Variants in MAML2 observed in about 807,000 individuals in gnomAD.
MAML2 encodes the protein mastermind like transcriptional coactivator 2, also known as mastermind-like protein 2.
In MAML2, 22 loss-of-function variants were observed where a neutral mutation model predicts 96.1. That is an observed-to-expected ratio of 0.23 (90% CI 0.16 to 0.33). The LOEUF (loss-of-function observed/expected upper bound fraction) is 0.33, where lower values mean the gene tolerates loss of function less well. Ranked by LOEUF, MAML2 falls within the 10% of genes least tolerant of loss-of-function variation. The pLI is 1.00. For missense variants in MAML2, 1,367 were observed against 1,392.4 expected (o/e 0.98, Z 0.29); for synonymous variants, 561 against 521.3 (o/e 1.08, Z -1.04).
In MAML2 at chr11:96,068,915, C is replaced by CTTTTT. The variant is rs71040128; in HGVS notation, c.2139+22972_2139+22976dup. On this transcript the variant is annotated intron_variant, in intron 2 of 4. Coordinates refer to ENST00000524717, the MANE Select transcript of MAML2 (RefSeq NM_032427.4). ...ATAATTTTTCCTTCCTTCTTCCCTC[C>CTTTTT]TTTTTTTTTTTTTTTTTTTTTTTAA... Among the ~76,000 whole-genome samples the CTTTTT allele has an allele frequency of 2.0e-3, 214 of 106,500 alleles. 1 individual carries two copies. The highest frequency in any genetic ancestry group is 7.6e-3 in the African/African-American group (202 of 26,710). 69.9% of individuals were successfully genotyped at this position (106,500 alleles called of 152,430 possible).
At chr11:96,047,707 G>A (rs1391277460) in intron 2 of MAML2, among the ~76,000 whole-genome samples, 3 of 151,860 alleles carry the variant, frequency 2.0e-5, no homozygotes, top group Non-Finnish European at 2.9e-5. Context: ...TCACGAGCTC[G>A]AGACCAGCCT....
intron 1 of MAML2, among the ~76,000 whole-genome samples, chr11:96,097,169 T>C (rs1213240131): frequency 6.6e-6 from 1 of 152,186 alleles, no homozygotes; most frequent in African/African-American, 2.4e-5. Context: ...AATTATGGTA[T>C]AGAGTCTCTC....
At chr11:96,209,248 G>A (rs2135937004) in intron 1 of MAML2, among the ~76,000 whole-genome samples, 1 of 149,374 alleles carries the variant, frequency 6.7e-6, no homozygotes, top group South Asian at 2.1e-4. Context: ...TGGGGGGGCA[G>A]TCTTTTGGGA....
At chr11:96,004,385 A>C (rs1342901160) in intron 2 of MAML2, among the ~76,000 whole-genome samples, 1 of 152,186 alleles carries the variant, frequency 6.6e-6, no homozygotes. Flanking sequence ...GGAATAAAAA[A>C]ATTGATTTCC....
intron 1 of MAML2, among the ~76,000 whole-genome samples, chr11:96,313,325 C>A (rs932209859): frequency 6.6e-6 from 1 of 152,210 alleles, no homozygotes; most frequent in African/African-American, 2.4e-5. Flanking sequence ...TCATCCCCAT[C>A]TCAGAACTGG....
chr11:96,126,931 G>C (rs1032844079), intron 1 of MAML2, among the ~76,000 whole-genome samples: 2 of 152,086 alleles, frequency 1.3e-5, no homozygotes, highest in African/African-American at 4.8e-5. Flanking sequence ...GTAGGTATGA[G>C]AAAAAGGCTT....
chr11:96,132,074 G>C (rs1413609690), intron 1 of MAML2, among the ~76,000 whole-genome samples: 1 of 152,104 alleles, frequency 6.6e-6, no homozygotes, highest in East Asian at 1.9e-4. Flanking sequence ...TTCCTAGTGG[G>C]CAAGGATCAC....
At chr11:96,278,875 C>CG (rs1181290553) in intron 1 of MAML2, among the ~76,000 whole-genome samples, 2 of 151,924 alleles carry the variant, frequency 1.3e-5, no homozygotes, top group African/African-American at 2.4e-5. Context: ...AGGATAACTG[C>CG]GGGGGGTATG....
chr11:96,152,817 G>T (rs1457251588), intron 1 of MAML2, among the ~76,000 whole-genome samples: 1 of 152,172 alleles, frequency 6.6e-6, no homozygotes, highest in Admixed American at 6.5e-5. Context: ...GCTCAAACAT[G>T]TCGGGGCATT....
chr11:96,272,133 T>C (rs1055303680), intron 1 of MAML2, among the ~76,000 whole-genome samples: 1 of 152,146 alleles, frequency 6.6e-6, no homozygotes, highest in Non-Finnish European at 1.5e-5. Flanking sequence ...CTCTGACTTA[T>C]TTTATACCAC....
At chr11:96,239,082 A>C (rs1862399598) in intron 1 of MAML2, among the ~76,000 whole-genome samples, 4 of 152,262 alleles carry the variant, frequency 2.6e-5, no homozygotes, top group African/African-American at 7.2e-5. Context: ...GAATCACACT[A>C]ACATTTTAAA....
In MAML2 at chr11:96,335,762, G is replaced by A. The variant is rs368473473; in HGVS notation, c.513+5621C>T. Among the ~76,000 whole-genome samples the A allele has an allele frequency of 2.9e-4, 44 of 152,162 alleles. No homozygotes were observed. The South Asian group carries it at 7.9e-3, about 27-fold the overall frequency. ...CCAGGGCTTCTGATTTGCTCTTACCGGATCTCCAGGCCCTCCAGGATGTGG... is the reference window on the plus strand; with the variant it reads ...CCAGGGCTTCTGATTTGCTCTTACCAGATCTCCAGGCCCTCCAGGATGTGG... On this transcript the variant is annotated intron_variant, in intron 1 of 4. Transcript: ENST00000524717.
chr11:96,156,239 T>A (rs565130230), intron 1 of MAML2, among the ~76,000 whole-genome samples: 1 of 152,318 alleles, frequency 6.6e-6, no homozygotes, highest in South Asian at 2.1e-4. Context: ...CTGCAAGGAC[T>A]GGAGATGGCT....
At chr11:96,192,487 G>C (rs945149390) in intron 1 of MAML2, among the ~76,000 whole-genome samples, 1 of 152,116 alleles carries the variant, frequency 6.6e-6, no homozygotes, top group Non-Finnish European at 1.5e-5. Flanking sequence ...GACTTCCAAG[G>C]ATGCTTCCAA....
intron 1 of MAML2, among the ~76,000 whole-genome samples, chr11:96,231,032 G>A (rs1012754045): frequency 3.7e-4 from 56 of 152,106 alleles, no homozygotes; most frequent in African/African-American, 1.3e-3. Context: ...CTAGGCATGA[G>A]TATTTAATGA....
intron 1 of MAML2, among the ~76,000 whole-genome samples, chr11:96,178,274 G>A (rs963550969): frequency 3.3e-5 from 5 of 151,982 alleles, no homozygotes; most frequent in African/African-American, 4.8e-5. Context: ...AACCGAGGTC[G>A]GCTGCCATGA....
chr11:96,329,431 T>G (rs1295495060), intron 1 of MAML2, among the ~76,000 whole-genome samples: 1 of 152,228 alleles, frequency 6.6e-6, no homozygotes, highest in Non-Finnish European at 1.5e-5. Flanking sequence ...TTGCCAATTT[T>G]GTCACTGCTC....
intron 2 of MAML2, among the ~76,000 whole-genome samples, chr11:96,048,331 AT>A (rs1858939565): frequency 6.6e-6 from 1 of 152,236 alleles, no homozygotes; most frequent in Non-Finnish European, 1.5e-5. Context: ...ATAAAATTAC[AT>A]GATCAAAGAA....
rs774221789 is a variant in MAML2 at position 96,342,626 on chromosome 11, G to A, written c.-731C>T. The A allele has an allele frequency of 2.6e-6, 1 of 389,824 alleles. No homozygotes were observed. The allele number at this position is 389,824 out of a possible 1,614,324, so 24.1% of individuals were successfully genotyped here. A position where few individuals can be genotyped will look rare whatever the true frequency, so the allele number is the denominator to read the frequency against. ...TAGGATGTTGTCTTCTCCCAAAAGAGGGAGACAGCTTTTCAACTGTTAACA... is the reference window on the plus strand; with the variant it reads ...TAGGATGTTGTCTTCTCCCAAAAGAAGGAGACAGCTTTTCAACTGTTAACA... On this transcript the variant is annotated 5_prime_UTR_variant, in exon 1 of 5. Transcript: ENST00000524717.
Sources: allele counts gnomAD v4.1 joint callset (sites outside exome capture counted in the v4.1 genomes callset), GRCh38; gene constraint gnomAD v4.1.1; transcripts MANE v1.5; gene names NCBI Gene and HGNC (gene_info 2026-07-23, HGNC 2026-07-21).